Variants in PRDM10 observed in about 807,000 individuals in gnomAD.
PRDM10 encodes the protein PR/SET domain 10, also known as PR domain zinc finger protein 10.
Under a neutral mutation model 133.1 loss-of-function variants are expected in PRDM10, and 65 were observed. The ratio of observed to expected loss-of-function variants is 0.49; its 90% CI spans 0.40 to 0.60. The LOEUF (loss-of-function observed/expected upper bound fraction) is 0.60. Ranked by LOEUF, PRDM10 falls within the 20% of genes least tolerant of loss-of-function variation. The pLI, the probability that PRDM10 is intolerant of heterozygous loss-of-function variation, is 0.00. For missense variants in PRDM10, 1,137 were observed against 1,507.1 expected (o/e 0.75, Z 4.07); for synonymous variants, 582 against 580.4 (o/e 1.00, Z -0.04).
At chr11:129,958,923 C>T (rs1301431045) in intron 2 of PRDM10, among the ~76,000 whole-genome samples, 3 of 152,178 alleles carry the variant, frequency 2.0e-5, no homozygotes, top group Non-Finnish European at 2.9e-5. Flanking sequence ...GAGTGGTCAG[C>T]TTTGGAGGAT....
At chr11:129,988,698 C>T (rs562232190) in intron 1 of PRDM10, among the ~76,000 whole-genome samples, 3 of 151,828 alleles carry the variant, frequency 2.0e-5, no homozygotes, top group South Asian at 2.1e-4. Flanking sequence ...GGTGCAATCT[C>T]GGCTCACTGC....
rs1285436420 is a variant in PRDM10, at chr11:129,905,705, T to C, written c.3200A>G (p.Gln1067Arg). 6.2e-7 allele frequency: 1 copy of C among 1,614,014 alleles called. No individual in the cohort carries two copies. Among genetic ancestry groups the C allele is most frequent in the Non-Finnish European group, 8.5e-7 (1 of 1,179,996 alleles). ...EIQMMTLPPGQFVITDSGVAT... is the reference protein window; with the variant it reads ...EIQMMTLPPGRFVITDSGVAT... ...CACACCACTGTCTGTAATCACAAAC[T>C]GACCCGGAGGAAGCGTCATCATTTG... The change falls in exon 20 of 21, where the codon CAG (glutamine) becomes CGG (arginine). Residue 1067 changes from glutamine (Q) to arginine (R), a missense_variant. Gln to Arg is a conservative substitution (Grantham distance 43). This residue lies in a region of PRDM10 where 243 missense variants were observed against 259.2 expected (regional missense o/e 0.94). Transcript: ENST00000360871.
intron 4 of PRDM10, among the ~76,000 whole-genome samples, chr11:129,951,729 T>C (rs764428001): frequency 2.0e-5 from 3 of 152,134 alleles, no homozygotes; most frequent in Non-Finnish European, 4.4e-5. Context: ...AGACCAATTA[T>C]CAGGGCAGCA....
chr11:129,947,076 A>T lies in PRDM10; in HGVS notation c.520+69T>A. On this transcript the variant is annotated intron_variant, in intron 5 of 20. Coordinates refer to ENST00000360871, the MANE Select transcript of PRDM10 (RefSeq NM_199437.2). This position sits in a 1 kb window ranked among gnomAD's most constrained non-coding sequence, Gnocchi z 4.6. ...TGACGCACGGGAGCTATGTTCACAC[A>T]CACGCACACGTACACAGACACACAA... 1 of 1,571,212 alleles carries T rather than the reference A, an allele frequency of 6.4e-7. No homozygotes were observed. The highest frequency in any genetic ancestry group is 1.2e-5 in the South Asian group (1 of 84,762).
intron 1 of PRDM10, among the ~76,000 whole-genome samples, chr11:129,971,929 G>T (rs546452467): frequency 6.6e-6 from 1 of 152,234 alleles, no homozygotes; most frequent in Non-Finnish European, 1.5e-5. Context: ...ACCCACGGAG[G>T]GGGTGGGAGG....
intron 1 of PRDM10, among the ~76,000 whole-genome samples, chr11:129,984,618 C>T (rs749164857): frequency 6.6e-6 from 1 of 152,208 alleles, no homozygotes; most frequent in Non-Finnish European, 1.5e-5. Flanking sequence ...AGCTCTCATC[C>T]TCCCTGACCT....
chr11:129,981,554 T>G (rs1938112401), intron 1 of PRDM10, among the ~76,000 whole-genome samples: 1 of 152,192 alleles, frequency 6.6e-6, no homozygotes, highest in South Asian at 2.1e-4. Flanking sequence ...GTCTCTGCAG[T>G]AATCTCATTG....
Position 129,951,625 on chromosome 11 carries a change from T to A in PRDM10, c.294+3887A>T, listed in dbSNP as rs1356493346. Among the ~76,000 whole-genome samples the A allele has an allele frequency of 7.9e-5, 12 of 152,344 alleles. No individual in the cohort carries two copies. The South Asian group carries it at 2.5e-3, about 32-fold the overall frequency. On this transcript the variant is annotated intron_variant, in intron 4 of 20. Coordinates refer to ENST00000360871, the MANE Select transcript of PRDM10 (RefSeq NM_199437.2). ...TGTAATTATTTCTGAAAGGACATAA[T>A]GCATTTCAGGATACAATTTATCTGA...
intron 13 of PRDM10, among the ~76,000 whole-genome samples, chr11:129,919,163 G>C (rs1006134737): frequency 6.6e-6 from 1 of 152,150 alleles, no homozygotes; most frequent in East Asian, 1.9e-4. Context: ...CTGAGGTCAG[G>C]AGTTTGAGAC....
In PRDM10 at chr11:129,931,057, T is replaced by C. The variant is rs1259382402; in HGVS notation, c.1489A>G (p.Thr497Ala). 2 of 1,614,004 alleles carry C rather than the reference T, an allele frequency of 1.2e-6. No homozygotes were observed. ...CTGCGCATGTCGTCGGCTGTCAGCGTGCTCTGGGTGGGCACCACGCTCTCT... is the reference window on the plus strand; with the variant it reads ...CTGCGCATGTCGTCGGCTGTCAGCGCGCTCTGGGTGGGCACCACGCTCTCT... Reference protein sequence around the residue: ...HEESVVPTQSTLTADDMRRAK... With the variant: ...HEESVVPTQSALTADDMRRAK... Residue 497 changes from threonine to alanine, a missense_variant, in exon 11 of 21, where the codon ACG becomes GCG. Physicochemically the swap from Thr to Ala is moderately conservative, Grantham distance 58. Coordinates refer to ENST00000360871, the MANE Select transcript of PRDM10 (RefSeq NM_199437.2).
chr11:129,996,782 A>T (rs1226704273), intron 1 of PRDM10, among the ~76,000 whole-genome samples: 1 of 148,686 alleles, frequency 6.7e-6, no homozygotes, highest in Non-Finnish European at 1.5e-5. Flanking sequence ...CAAAAGAGAT[A>T]AACAAGTTTT....
At chr11:129,977,441 G>A (rs1299637806) in intron 1 of PRDM10, among the ~76,000 whole-genome samples, 1 of 152,014 alleles carries the variant, frequency 6.6e-6, no homozygotes, top group Non-Finnish European at 1.5e-5. Context: ...CCGCCACCAT[G>A]CCCAGCTGAT....
In PRDM10 at chr11:129,944,794, T is replaced by G; in HGVS notation, c.739A>C (p.Lys247Gln). 6.2e-7 allele frequency: 1 copy of G among 1,613,844 alleles called. No homozygotes were observed. Among genetic ancestry groups the G allele is most frequent in the Non-Finnish European group, 8.5e-7 (1 of 1,179,964 alleles). ...ACCTTGAGGTGAATGTAACAGTCTT[T>G]CAGCTCCGAGCCCCTGACGAGAGGC... ...EGPLVRGSEL[K>Q]DCYIHLKVSL... The change falls in exon 6 of 21, where the codon AAA becomes CAA. Residue 247 changes from lysine (K) to glutamine (Q), a missense_variant. By Grantham distance (53) the Lys-to-Gln change is moderately conservative. Around this residue, in one of 6 missense-constraint regions of PRDM10, gnomAD observed 635 missense variants for 835.2 expected, o/e 0.76. Transcript: ENST00000360871.
intron 17 of PRDM10, among the ~76,000 whole-genome samples, chr11:129,912,560 G>C (rs188952205): frequency 3.8e-4 from 58 of 151,510 alleles, no homozygotes; most frequent in African/African-American, 1.4e-3. Flanking sequence ...GACCGTCCTG[G>C]CTAACATGGT....
chr11:129,915,611 T>C (rs1456012298), intron 16 of PRDM10, 49 bp downstream of exon 16: 1 of 1,514,556 alleles, frequency 6.6e-7, no homozygotes, highest in Admixed American at 2.3e-5. Flanking sequence ...CTTAAGAGAT[T>C]CCTCGCATGG....
chr11:129,968,411 T>G (rs1049075698), intron 1 of PRDM10, among the ~76,000 whole-genome samples: 42 of 152,132 alleles, frequency 2.8e-4, no homozygotes, highest in African/African-American at 9.4e-4. Context: ...GCCTGCAAGA[T>G]GAACATAAAA....
intron 12 of PRDM10, among the ~76,000 whole-genome samples, chr11:129,924,485 A>G (rs1293793065): frequency 1.3e-5 from 2 of 152,210 alleles, no homozygotes; most frequent in East Asian, 3.9e-4. Flanking sequence ...TCCAAAATGT[A>G]TGGCCTTGGT....
chr11:129,934,724 A>G (rs898860999), intron 9 of PRDM10, among the ~76,000 whole-genome samples: 2 of 152,168 alleles, frequency 1.3e-5, no homozygotes, highest in African/African-American at 2.4e-5. Context: ...TCTTTTTTAT[A>G]TAGTGGAATT....
chr11:129,985,541 C>T (rs1313154751), intron 1 of PRDM10, among the ~76,000 whole-genome samples: 3 of 151,758 alleles, frequency 2.0e-5, no homozygotes, highest in Non-Finnish European at 2.9e-5. Context: ...CCTGTAACCC[C>T]AGCACTTTGG....
Sources: gnomAD v4.1 joint callset for allele counts (sites outside exome capture counted in the v4.1 genomes callset) on GRCh38, gnomAD v4.1.1 for gene constraint, gnomAD v4.1.1 regional missense constraint, Gnocchi (gnomAD v3.1) non-coding constraint, MANE v1.5 for transcripts, NCBI Gene and HGNC (gene_info 2026-07-23, HGNC 2026-07-21) for gene names.